The following DLG2 variants were observed in gnomAD, a reference collection of about 807,000 sequenced individuals.
The protein encoded by DLG2 is discs large MAGUK scaffold protein 2, also known as disks large homolog 2.
In DLG2, 45 loss-of-function variants were observed where a neutral mutation model predicts 132.5. That is an observed-to-expected ratio of 0.34 (90% CI 0.27 to 0.44). The LOEUF is 0.44. DLG2 is among the 20% of genes least tolerant of loss of function. The pLI is 1.00. For synonymous variants in DLG2, 424 were observed against 419.6 expected, an observed-to-expected ratio of 1.01 and a Z score of -0.13; for missense variants, 1,045 against 1,196.9, an observed-to-expected ratio of 0.87 and a Z score of 1.87.
At position 83,555,975 on chromosome 11, in the gene DLG2, G is replaced by A. The variant is rs902294437; in HGVS notation, c.1941-14117C>T. On this transcript the variant is annotated intron_variant, in intron 19 of 27. Coordinates refer to ENST00000376104, the MANE Select transcript of DLG2 (RefSeq NM_001142699.3). ...TTTAGCAAATATAACAAGTCTCCTT[G>A]AGATTACTAGAGTAACACCAGGGTG... Among the ~76,000 whole-genome samples, 7 of 152,248 alleles carry A rather than the reference G, an allele frequency of 4.6e-5. No homozygotes were observed. In the East Asian group the frequency reaches 1.4e-3, roughly 29 times the overall value.
At chr11:83,732,886 C>T (rs1209832877) in intron 18 of DLG2, among the ~76,000 whole-genome samples, 1 of 152,138 alleles carries the variant, frequency 6.6e-6, no homozygotes, top group African/African-American at 2.4e-5. Flanking sequence ...CTTCTGAGGA[C>T]ATCTGCTTCT....
Position 85,244,018 on chromosome 11 carries a change from G to T in DLG2, c.186+41202C>A, listed in dbSNP as rs767771118. Among the ~76,000 whole-genome samples, 25 of 152,020 alleles carry T rather than the reference G, an allele frequency of 1.6e-4. No individual in the cohort carries two copies. In the South Asian group the frequency reaches 1.7e-3, roughly 10 times the overall value. Reference sequence around the variant, plus strand: ...TCAATGAAAAAAATATAAATAAAGTGCTTTGCACAGCATCAGTTACATATT... The same window carrying T: ...TCAATGAAAAAAATATAAATAAAGTTCTTTGCACAGCATCAGTTACATATT... On this transcript the variant is annotated intron_variant, in intron 4 of 27. Transcript: ENST00000376104.
At chr11:85,027,179 T>TA in intron 6 of DLG2, among the ~76,000 whole-genome samples, 2 of 130,038 alleles carry the variant, frequency 1.5e-5, no homozygotes, top group Non-Finnish European at 3.4e-5. Context: ...GTCTCTTTTT[T>TA]TTTTTTTTTT....
chr11:84,134,669 T>A (rs1366660668), intron 9 of DLG2, among the ~76,000 whole-genome samples: 1 of 149,806 alleles, frequency 6.7e-6, no homozygotes, highest in Non-Finnish European at 1.5e-5. Context: ...TGTAGTCTTG[T>A]CTCAAGAGAC....
At chr11:84,563,675 G>A (rs2099437314) in intron 6 of DLG2, among the ~76,000 whole-genome samples, 2 of 152,290 alleles carry the variant, frequency 1.3e-5, no homozygotes, top group South Asian at 2.1e-4. Context: ...TGCGTAGCTG[G>A]CTTTGAGTTC....
chr11:84,313,467 A>C (rs1226750985), intron 7 of DLG2, among the ~76,000 whole-genome samples: 1 of 144,758 alleles, frequency 6.9e-6, no homozygotes, highest in Non-Finnish European at 1.5e-5. Flanking sequence ...CATAGTAGGC[A>C]TTCAGTACAT....
intron 3 of DLG2, among the ~76,000 whole-genome samples, chr11:85,339,961 A>G (rs12804255): frequency 0.096 from 14,642 of 152,276 alleles, 963 homozygotes; most frequent in Non-Finnish European, 0.14. Flanking sequence ...GCCAGTTAGA[A>G]TGGAGGTCAT....
At chr11:85,512,839 G>A (rs2094104823) in intron 3 of DLG2, among the ~76,000 whole-genome samples, 1 of 152,010 alleles carries the variant, frequency 6.6e-6, no homozygotes, top group Non-Finnish European at 1.5e-5. Context: ...CCCATTACTG[G>A]TAATATACCA....
chr11:84,702,405 A>G (rs2059311461), intron 6 of DLG2, among the ~76,000 whole-genome samples: 1 of 151,682 alleles, frequency 6.6e-6, no homozygotes, highest in Admixed American at 6.6e-5. Context: ...TTACTGTGCA[A>G]ATGGACTTAA....
chr11:83,545,700 C>G (rs752043430), intron 19 of DLG2, among the ~76,000 whole-genome samples: 6 of 152,118 alleles, frequency 3.9e-5, no homozygotes, highest in Non-Finnish European at 7.4e-5. Flanking sequence ...TTTCCCACTC[C>G]TGCTGTTAGC....
intron 15 of DLG2, among the ~76,000 whole-genome samples, chr11:83,928,390 A>G (rs1363105019): frequency 3.9e-5 from 6 of 152,164 alleles, no homozygotes; most frequent in African/African-American, 7.2e-5. Context: ...GTGAACTGTT[A>G]TCAGCTACTT....
chr11:84,903,437 T>C (rs2091139098), intron 6 of DLG2, among the ~76,000 whole-genome samples: 1 of 152,152 alleles, frequency 6.6e-6, no homozygotes, highest in African/African-American at 2.4e-5. Flanking sequence ...CTATAGAGTA[T>C]GCTTACATCA....
Position 84,708,637 on chromosome 11 carries a change from A to G in DLG2, c.358-173906T>C, listed in dbSNP as rs566511439. ...CAGCCAAAACAGGCATCCGGTTTCTACAATAAATGAGATCATAGCATCCCC... is the reference window on the plus strand; with the variant it reads ...CAGCCAAAACAGGCATCCGGTTTCTGCAATAAATGAGATCATAGCATCCCC... On this transcript the variant is annotated intron_variant, in intron 6 of 27. Transcript: ENST00000376104. 6.6e-5 allele frequency among the ~76,000 whole-genome samples: 10 copies of G among 151,912 alleles called. No individual in the cohort carries two copies. The South Asian group carries it at 2.1e-3, about 32-fold the overall frequency.
rs1338563645 is a variant in DLG2 at position 85,454,360 on chromosome 11, C to A, written c.40+144297G>T. On this transcript the variant is annotated intron_variant, in intron 3 of 27. Transcript: ENST00000376104. ...GTCTTTTGACATGTATGTCCTTTGCCCACTTTTTAATAGTATTGTTTGGTT... is the reference window on the plus strand; with the variant it reads ...GTCTTTTGACATGTATGTCCTTTGCACACTTTTTAATAGTATTGTTTGGTT... Among the ~76,000 whole-genome samples the A allele has an allele frequency of 2.6e-5, 4 of 151,686 alleles. No homozygotes were observed. The South Asian group carries it at 8.3e-4, about 32-fold the overall frequency.
intron 4 of DLG2, among the ~76,000 whole-genome samples, chr11:85,177,525 T>C (rs1342168709): frequency 6.6e-6 from 1 of 151,912 alleles, no homozygotes; most frequent in African/African-American, 2.4e-5. Flanking sequence ...TTACAGTGGG[T>C]GGCAGAGTGA....
chr11:85,491,121 G>A (rs996127524), intron 3 of DLG2, among the ~76,000 whole-genome samples: 2 of 151,930 alleles, frequency 1.3e-5, no homozygotes, highest in Admixed American at 1.3e-4. Context: ...TTTTATACTA[G>A]AGATGCAACA....
At chr11:84,722,647 C>G (rs929442429) in intron 6 of DLG2, among the ~76,000 whole-genome samples, 22 of 152,052 alleles carry the variant, frequency 1.4e-4, no homozygotes, top group Non-Finnish European at 5.9e-5. Flanking sequence ...TTAATCAGCC[C>G]CCTTGTGAGA....
At chr11:84,911,478 A>G (rs979166889) in intron 6 of DLG2, among the ~76,000 whole-genome samples, 2 of 151,938 alleles carry the variant, frequency 1.3e-5, no homozygotes, top group Non-Finnish European at 2.9e-5. Flanking sequence ...CAATTATTTG[A>G]ATCATTCTTT....
chr11:85,300,658 T>C (rs1029223019), intron 3 of DLG2, among the ~76,000 whole-genome samples: 3 of 152,198 alleles, frequency 2.0e-5, no homozygotes, highest in East Asian at 3.8e-4. Flanking sequence ...TCTGGATATA[T>C]GCAATAGTTT....
Sources: allele counts gnomAD v4.1 joint callset (sites outside exome capture counted in the v4.1 genomes callset), GRCh38; gene constraint gnomAD v4.1.1; transcripts MANE v1.5; gene names NCBI Gene and HGNC (gene_info 2026-07-23, HGNC 2026-07-21).